Variants in ANO3 observed in about 807,000 individuals in gnomAD.
ANO3 encodes the protein anoctamin 3, also known as anoctamin-3.
ANO3 carries 99 observed loss-of-function variants against 144.8 expected under a neutral mutation model. The observed-to-expected ratio is 0.68, with a 90% CI of 0.58 to 0.81. The LOEUF (loss-of-function observed/expected upper bound fraction) is 0.81. ANO3 is among the 30% of genes least tolerant of loss of function. The pLI, the probability that ANO3 is intolerant of heterozygous loss-of-function variation, is 0.00. For synonymous variants in ANO3, 414 were observed against 392.6 expected (o/e 1.05, Z -0.64); for missense variants, 905 against 1,202.2 (o/e 0.75, Z 3.66).
At chr11:26,422,480 C>G (rs1857781691) in intron 1 of ANO3, among the ~76,000 whole-genome samples, 1 of 152,002 alleles carries the variant, frequency 6.6e-6, no homozygotes, top group Admixed American at 6.6e-5. Flanking sequence ...TCATGAGATA[C>G]TTCTAAATAT....
At chr11:26,616,452 TTTG>T (rs1242606940) in intron 17 of ANO3, among the ~76,000 whole-genome samples, 1 of 151,830 alleles carries the variant, frequency 6.6e-6, no homozygotes, top group African/African-American at 2.4e-5. Context: ...TTTTTTTTTT[TTTG>T]GTAATTTGTT....
intron 25 of ANO3, 72 bp downstream of exon 25, chr11:26,656,277 C>A (rs1352061138): frequency 1.3e-6 from 2 of 1,482,554 alleles, no homozygotes; most frequent in East Asian, 4.5e-5. Context: ...TTAATGAGGA[C>A]ATTTAAACTG....
At chr11:26,643,483 T>C in intron 23 of ANO3, 149 bp downstream of exon 23, 2 of 999,628 alleles carry the variant, frequency 2.0e-6, no homozygotes, top group Non-Finnish European at 2.8e-6. Flanking sequence ...TGGCCGGGCG[T>C]GGTGGCTCAC....
At chr11:26,384,893 G>A (rs912863213) in intron 1 of ANO3, among the ~76,000 whole-genome samples, 2 of 152,144 alleles carry the variant, frequency 1.3e-5, no homozygotes, top group Non-Finnish European at 2.9e-5. Flanking sequence ...CAATCTTTCT[G>A]TGAACATTTA....
intron 1 of ANO3, among the ~76,000 whole-genome samples, chr11:26,217,111 T>A (rs1852049242): frequency 6.6e-6 from 1 of 152,086 alleles, no homozygotes; most frequent in African/African-American, 2.4e-5. Context: ...GATAGCACAT[T>A]TGATGTTGTA....
chr11:26,473,306 T>C (rs1859847052), intron 4 of ANO3, among the ~76,000 whole-genome samples: 1 of 151,956 alleles, frequency 6.6e-6, no homozygotes, highest in South Asian at 2.1e-4. Context: ...GCATCTCTTA[T>C]GTGGATGTTA....
At chr11:26,303,647 A>G (rs865877600) in intron 1 of ANO3, among the ~76,000 whole-genome samples, 51 of 152,216 alleles carry the variant, frequency 3.4e-4, no homozygotes, top group African/African-American at 1.2e-3. Context: ...CCTCAGCATC[A>G]TGCAATATAC....
intron 1 of ANO3, among the ~76,000 whole-genome samples, chr11:26,420,241 G>A (rs759661998): frequency 6.6e-6 from 1 of 152,046 alleles, no homozygotes; most frequent in Non-Finnish European, 1.5e-5. Context: ...ACATCTTAGA[G>A]TACTTACAGT....
At chr11:26,281,852 T>C (rs1853686226) in intron 1 of ANO3, among the ~76,000 whole-genome samples, 1 of 152,166 alleles carries the variant, frequency 6.6e-6, no homozygotes. Context: ...GGCAAATGTC[T>C]TCAAGAAGCT....
At chr11:26,335,583 T>C (rs1046533523) in intron 1 of ANO3, among the ~76,000 whole-genome samples, 2 of 152,146 alleles carry the variant, frequency 1.3e-5, no homozygotes, top group Non-Finnish European at 2.9e-5. Flanking sequence ...AATTTTTAGG[T>C]TTGTAATTAA....
chr11:26,561,236 A>G (rs1590532596), intron 14 of ANO3: 1 of 1,596,388 alleles, frequency 6.3e-7, no homozygotes, highest in East Asian at 2.3e-5. Context: ...CTAAAAAAGT[A>G]ACAAAATAAT....
At chr11:26,429,342 G>T (rs1858011839) in intron 1 of ANO3, among the ~76,000 whole-genome samples, 1 of 151,654 alleles carries the variant, frequency 6.6e-6, no homozygotes, top group Non-Finnish European at 1.5e-5. Flanking sequence ...TATCACTTAA[G>T]CTAATACCAA....
At chr11:26,587,007 T>C (rs746558345) in intron 14 of ANO3, among the ~76,000 whole-genome samples, 1 of 152,142 alleles carries the variant, frequency 6.6e-6, no homozygotes, top group Non-Finnish European at 1.5e-5. Flanking sequence ...CATTACTCAG[T>C]TTTGATCAAG....
In ANO3 at chr11:26,594,915, G is replaced by GAGT. The variant is rs570751874; in HGVS notation, c.1448-3448_1448-3446dup. On this transcript the variant is annotated intron_variant, in intron 14 of 26. Transcript: ENST00000256737. Reference sequence around the variant, plus strand: ...GGGGGCCAGGTTTCTCCCCCTTGAAGAGTATATTGTGGCCTGGCGGGACTG... The same window carrying GAGT: ...GGGGGCCAGGTTTCTCCCCCTTGAAGAGTAGTATATTGTGGCCTGGCGGGACTG... Among the ~76,000 whole-genome samples the GAGT allele has an allele frequency of 4.1e-4, 62 of 152,266 alleles. No homozygotes were observed. In the Middle Eastern group the frequency reaches 0.01, roughly 25 times the overall value.
intron 1 of ANO3, among the ~76,000 whole-genome samples, chr11:26,355,213 C>T (rs1042546851): frequency 2.6e-5 from 4 of 152,080 alleles, no homozygotes; most frequent in Admixed American, 1.3e-4. Flanking sequence ...TGTTCTCCAG[C>T]AGCTTATTGA....
At chr11:26,305,009 C>A (rs1564957380), upstream of ANO3, among the ~76,000 whole-genome samples, 1 of 151,432 alleles carries the variant, frequency 6.6e-6, no homozygotes, top group Non-Finnish European at 1.5e-5. Flanking sequence ...TTGAAAACTG[C>A]TTTTTTTTAA....
At chr11:26,221,821 A>C (rs1262428326) in intron 1 of ANO3, among the ~76,000 whole-genome samples, 2 of 152,190 alleles carry the variant, frequency 1.3e-5, no homozygotes, top group Non-Finnish European at 2.9e-5. Context: ...AAAAAAGTTA[A>C]GAACTCACTC....
chr11:26,443,341 A>G (rs904998368), intron 2 of ANO3, among the ~76,000 whole-genome samples: 1 of 151,918 alleles, frequency 6.6e-6, no homozygotes, highest in Non-Finnish European at 1.5e-5. Context: ...ATGGCTCACG[A>G]CTGTAATCCC....
chr11:26,590,960 G>A lies in ANO3; in HGVS notation c.1448-7405G>A, dbSNP rs137921940. Among the ~76,000 whole-genome samples the A allele has an allele frequency of 1.2e-4, 19 of 152,248 alleles. No homozygotes were observed. The East Asian group carries it at 1.5e-3, about 12-fold the overall frequency. On this transcript the variant is annotated intron_variant, in intron 14 of 26. Coordinates refer to ENST00000256737, the MANE Select transcript of ANO3 (RefSeq NM_031418.4). Reference sequence around the variant, plus strand: ...AAAGGGGGTTGCCCACTCCCGTCTCGAATGCCTAGGGTTTATATCCCGAAT... The same window carrying A: ...AAAGGGGGTTGCCCACTCCCGTCTCAAATGCCTAGGGTTTATATCCCGAAT...
Sources: gnomAD v4.1 joint callset for allele counts (sites outside exome capture counted in the v4.1 genomes callset) on GRCh38, gnomAD v4.1.1 for gene constraint, MANE v1.5 for transcripts, NCBI Gene and HGNC (gene_info 2026-07-23, HGNC 2026-07-21) for gene names.